The following TMC1 variants were observed in gnomAD, a reference collection of about 807,000 sequenced individuals.
The protein encoded by TMC1 is transmembrane channel like 1.
In TMC1, 84 loss-of-function variants were observed where a neutral mutation model predicts 105.8. The observed-to-expected ratio is 0.79, with a 90% CI of 0.67 to 0.95. The LOEUF (loss-of-function observed/expected upper bound fraction) is 0.95. Ranked by LOEUF, TMC1 falls within the 40% of genes least tolerant of loss-of-function variation. The pLI is 0.00. For synonymous variants in TMC1, 315 were observed against 311.5 expected, an observed-to-expected ratio of 1.01 and a Z score of -0.12; for missense variants, 817 against 914.1, an observed-to-expected ratio of 0.89 and a Z score of 1.37.
chr9:72,567,285 C>T (rs952081730), intron 1 of TMC1, among the ~76,000 whole-genome samples: 2 of 152,148 alleles, frequency 1.3e-5, no homozygotes, highest in Non-Finnish European at 1.5e-5. Flanking sequence ...TGTCTGTATT[C>T]TTCACTTCTC....
intron 11 of TMC1, 130 bp downstream of exon 11, chr9:72,752,086 G>T: frequency 1.4e-6 from 1 of 734,272 alleles, no homozygotes; most frequent in South Asian, 1.5e-5. Context: ...TTTGTAATGA[G>T]ATTAACCTTC....
At chr9:72,763,589 A>G (rs1360335921) in intron 12 of TMC1, among the ~76,000 whole-genome samples, 2 of 152,188 alleles carry the variant, frequency 1.3e-5, no homozygotes, top group African/African-American at 4.8e-5. Context: ...TCTGAATTTG[A>G]AAGAAGGGAG....
chr9:72,773,223 T>TA (rs1361961654), intron 13 of TMC1, among the ~76,000 whole-genome samples: 4 of 152,126 alleles, frequency 2.6e-5, no homozygotes, highest in African/African-American at 7.2e-5. Flanking sequence ...GTTTATATAT[T>TA]AAAAAAATGA....
In TMC1 at chr9:72,805,486, G is replaced by GT; in HGVS notation, c.1672dup (p.Cys558LeufsTer66). 1 of 1,613,162 alleles carries GT rather than the reference G, an allele frequency of 6.2e-7. No individual in the cohort carries two copies. The stretch of plus-strand genomic sequence containing the variant: ...TTGTGAGGTTTTGCAATTATTGCTG[G>GT]TGCTGGGACTTGGAGTATGGATATG... On this transcript the variant is annotated frameshift_variant, in exon 18 of 24. Coordinates refer to ENST00000297784, the MANE Select transcript of TMC1 (RefSeq NM_138691.3). LOFTEE classifies it high-confidence loss of function.
intron 1 of TMC1, among the ~76,000 whole-genome samples, chr9:72,562,864 C>A (rs930656134): frequency 4.6e-5 from 7 of 152,010 alleles, no homozygotes; most frequent in African/African-American, 1.7e-4. Context: ...CGCCTGTAAC[C>A]CCAGCTACTT....
chr9:72,597,026 A>C (rs1419439843), intron 2 of TMC1, among the ~76,000 whole-genome samples: 34 of 152,242 alleles, frequency 2.2e-4, no homozygotes, highest in Non-Finnish European at 7.3e-5. Flanking sequence ...AATTTCACAA[A>C]TTGAAACCCA....
intron 2 of TMC1, among the ~76,000 whole-genome samples, chr9:72,587,005 A>C (rs1158308726): frequency 6.6e-6 from 1 of 152,130 alleles, no homozygotes; most frequent in African/African-American, 2.4e-5. Context: ...GAGTGTGTCA[A>C]CTGTGGGGTG....
intron 5 of TMC1, among the ~76,000 whole-genome samples, chr9:72,683,523 T>TA (rs200458074): frequency 0.097 from 14,576 of 150,810 alleles, 769 homozygotes; most frequent in Non-Finnish European, 0.13. Flanking sequence ...AGGTTTTTTT[T>TA]TAAAAAAATC....
At chr9:72,742,842 T>C (rs1013677557) in intron 10 of TMC1, among the ~76,000 whole-genome samples, 1 of 152,194 alleles carries the variant, frequency 6.6e-6, no homozygotes, top group African/African-American at 2.4e-5. Context: ...TCATCTTACT[T>C]GGAAGGCAGA....
chr9:72,649,208 G>A (rs1269947327), intron 5 of TMC1, among the ~76,000 whole-genome samples: 2 of 152,230 alleles, frequency 1.3e-5, no homozygotes, highest in Admixed American at 6.5e-5. Context: ...TTTGCTTGCT[G>A]TGACTTGCCA....
At position 72,682,500 on chromosome 9, in the gene TMC1, G is replaced by A. The variant is rs1303409161; in HGVS notation, c.17-6209G>A. Among the ~76,000 whole-genome samples, 6 of 152,274 alleles carry A rather than the reference G, an allele frequency of 3.9e-5. No homozygotes were observed. The South Asian group carries it at 1.0e-3, about 26-fold the overall frequency. The stretch of plus-strand genomic sequence containing the variant: ...ATTATGTTTAATTCTATCATTTGAA[G>A]GACTTGGGATTGTTATAAACAAATG... On this transcript the variant is annotated intron_variant, in intron 5 of 23. Transcript: ENST00000297784.
At chr9:72,702,807 G>C (rs1826665672) in intron 8 of TMC1, among the ~76,000 whole-genome samples, 1 of 152,154 alleles carries the variant, frequency 6.6e-6, no homozygotes, top group South Asian at 2.1e-4. Context: ...CATAGCCATA[G>C]TTCTGTGGCA....
rs748048935 is a variant in TMC1, at chr9:72,830,460, C to T, written c.2139C>T (p.Ile713=). 3 of 1,612,030 alleles carry T rather than the reference C, an allele frequency of 1.9e-6. No homozygotes were observed. Among genetic ancestry groups the T allele is most frequent in the Admixed American group, 3.3e-5 (2 of 59,936 alleles). Reference sequence around the variant, plus strand: ...TTTCTTTTTAATTTAGTTTGGCCATCTATTATCTCAATGCTACTGCCAAGG... The same window carrying T: ...TTTCTTTTTAATTTAGTTTGGCCATTTATTATCTCAATGCTACTGCCAAGG... ...IAVILVMVLA[I]YYLNATAKGQ... Residue 713 remains isoleucine (I), a synonymous_variant, in exon 22 of 24, where the codon ATC becomes ATT. Coordinates refer to ENST00000297784, the MANE Select transcript of TMC1 (RefSeq NM_138691.3).
intron 18 of TMC1, among the ~76,000 whole-genome samples, chr9:72,806,480 C>T (rs1420978624): frequency 6.6e-6 from 1 of 150,598 alleles, no homozygotes; most frequent in Non-Finnish European, 1.5e-5. Context: ...GGCTGCCGGG[C>T]GGAGAGGCTC....
At chr9:72,687,802 T>G (rs1826401304) in intron 5 of TMC1, among the ~76,000 whole-genome samples, 1 of 152,164 alleles carries the variant, frequency 6.6e-6, no homozygotes, top group East Asian at 1.9e-4. Flanking sequence ...CTTTGCTTTT[T>G]TGGAAAAATG....
At chr9:72,565,247 C>T (rs987381801) in intron 1 of TMC1, among the ~76,000 whole-genome samples, 1 of 152,022 alleles carries the variant, frequency 6.6e-6, no homozygotes, top group South Asian at 2.1e-4. Context: ...TTTTCCTTAC[C>T]CTCGGCAGAA....
chr9:72,583,081 G>T (rs777722949), intron 2 of TMC1, among the ~76,000 whole-genome samples: 31 of 152,224 alleles, frequency 2.0e-4, no homozygotes, highest in Non-Finnish European at 3.2e-4. Flanking sequence ...AAATTAGCTG[G>T]ATTGGTGGTG....
intron 9 of TMC1, chr9:72,741,492 C>T (rs1335132260): frequency 3.8e-6 from 1 of 260,454 alleles, no homozygotes. Flanking sequence ...AAAGATCAGT[C>T]TTTGCTGATC....
At chr9:72,524,632 G>C (rs1345341206) in intron 1 of TMC1, among the ~76,000 whole-genome samples, 1 of 152,002 alleles carries the variant, frequency 6.6e-6, no homozygotes, top group East Asian at 1.9e-4. Flanking sequence ...TCCTTTCCCT[G>C]CAATGAAAGA....
Sources: gnomAD v4.1 joint callset for allele counts (sites outside exome capture counted in the v4.1 genomes callset) on GRCh38, gnomAD v4.1.1 for gene constraint, MANE v1.5 for transcripts, NCBI Gene and HGNC (gene_info 2026-07-23, HGNC 2026-07-21) for gene names.